The following ST7L variants were observed in gnomAD, a reference collection of about 807,000 sequenced individuals.
ST7L encodes the protein suppressor of tumorigenicity 7 protein-like.
Under a neutral mutation model 72.5 loss-of-function variants are expected in ST7L, and 57 were observed. That is an observed-to-expected ratio of 0.79 (90% CI 0.64 to 0.98). ST7L has a LOEUF of 0.98. ST7L is among the 50% of genes least tolerant of loss of function. ST7L has a pLI of 0.00. For missense variants in ST7L, 576 were observed against 672.2 expected, an observed-to-expected ratio of 0.86 and a Z score of 1.58; for synonymous variants, 221 against 240.9, an observed-to-expected ratio of 0.92 and a Z score of 0.77.
At chr1:112,532,557 A>G (rs1654550117) in intron 14 of ST7L, among the ~76,000 whole-genome samples, 1 of 152,240 alleles carries the variant, frequency 6.6e-6, no homozygotes, top group African/African-American at 2.4e-5. Context: ...GTCATCTGCA[A>G]GGATGTTTAA....
downstream of ST7L, chr1:112,520,674 T>C: frequency 2.7e-6 from 2 of 728,378 alleles, no homozygotes; most frequent in Non-Finnish European, 4.5e-6. Context: ...GCTGGTTCCT[T>C]AGCCCTGGGA....
chr1:112,554,768 A>T (rs1658807813), intron 12 of ST7L, among the ~76,000 whole-genome samples: 1 of 152,244 alleles, frequency 6.6e-6, no homozygotes, highest in African/African-American at 2.4e-5. Flanking sequence ...GATAAAAAAA[A>T]TGTGATATAT....
At position 112,526,117 on chromosome 1, in the gene ST7L, A is replaced by C. The variant is rs544303721; in HGVS notation, c.1630-6T>G. On this transcript the variant is annotated splice_region_variant and splice_polypyrimidine_tract_variant and intron_variant, in intron 14 of 14. Transcript: ENST00000358039. ...GGGCACCAGAGTCCCAGCACCTTCA[A>C]AACAGAAATTGATACAAAATGTTCA... is the stretch of plus-strand genomic sequence containing the variant. The C allele has an allele frequency of 1.4e-5, 22 of 1,613,984 alleles. 1 individual carries two copies. In the Middle Eastern group the frequency reaches 9.9e-4, roughly 72 times the overall value.
Position 112,582,003 on chromosome 1 carries a change from G to C in ST7L, c.1058C>G (p.Ala353Gly). Residue 353 changes from alanine to glycine, a missense_variant, in exon 9 of 15, where the codon GCA becomes GGA. Ala to Gly is a moderately conservative substitution (Grantham distance 60). Coordinates refer to ENST00000358039, the MANE Select transcript of ST7L (RefSeq NM_017744.5). ...QAYPDVQAVL[A>G]KYDDISLPKS... ...GGAATATGACTCACCATCATATTTT[G>C]CTAGGACTGCCTGAACATCTGGATA... 1 of 1,602,388 alleles carries C rather than the reference G, an allele frequency of 6.2e-7. No individual in the cohort carries two copies. The highest frequency in any genetic ancestry group is 8.5e-7 in the Non-Finnish European group (1 of 1,169,820).
In ST7L at chr1:112,567,819, G is replaced by C. The variant is rs550777872; in HGVS notation, c.1245+9167C>G. 2.3e-3 allele frequency among the ~76,000 whole-genome samples: 351 copies of C among 151,930 alleles called. 2 individuals carry two copies. The highest frequency in any genetic ancestry group is 4.0e-3 in the Non-Finnish European group (271 of 67,960). On this transcript the variant is annotated intron_variant, in intron 11 of 14. Coordinates refer to ENST00000358039, the MANE Select transcript of ST7L (RefSeq NM_017744.5). ...ATATGTGGATCCATTCTGTGATTTT[G>C]TTTTTTATAGTAATTATTTTATATT...
intron 11 of ST7L, among the ~76,000 whole-genome samples, chr1:112,564,040 T>C (rs763947020): frequency 3.3e-5 from 5 of 152,194 alleles, no homozygotes; most frequent in African/African-American, 4.8e-5. Flanking sequence ...GTTTTCTCAG[T>C]GCACATTCTA....
At chr1:112,519,931 T>C (rs191824064), downstream of ST7L, among the ~76,000 whole-genome samples, 4 of 145,684 alleles carry the variant, frequency 2.7e-5, no homozygotes, top group East Asian at 8.3e-4. Context: ...TAGAGTGCAG[T>C]GGTGCAATCT....
At chr1:112,530,705 G>A (rs549961154) in intron 14 of ST7L, among the ~76,000 whole-genome samples, 11 of 152,074 alleles carry the variant, frequency 7.2e-5, no homozygotes, top group Non-Finnish European at 1.5e-4. Flanking sequence ...GTGAGCCACC[G>A]CACCCAGCCT....
intron 14 of ST7L, chr1:112,540,001 T>C (rs563355830): frequency 1.0e-6 from 1 of 985,392 alleles, no homozygotes; most frequent in South Asian, 4.7e-5. Context: ...CCATTTAAAA[T>C]ATGTAATTAT....
chr1:112,549,888 C>T (rs1657819404), intron 13 of ST7L, among the ~76,000 whole-genome samples: 1 of 152,176 alleles, frequency 6.6e-6, no homozygotes, highest in Non-Finnish European at 1.5e-5. Flanking sequence ...GGAAAGCATT[C>T]AGTCTTTCTC....
At chr1:112,562,563 G>C (rs147720703) in intron 11 of ST7L, among the ~76,000 whole-genome samples, 3,066 of 152,154 alleles carry the variant, frequency 0.02, 105 homozygotes, top group African/African-American at 0.069. Flanking sequence ...AGATGAGCAG[G>C]GTCTTAAAGA....
intron 11 of ST7L, among the ~76,000 whole-genome samples, chr1:112,575,888 A>G (rs1203890822): frequency 6.6e-6 from 1 of 152,170 alleles, no homozygotes; most frequent in Non-Finnish European, 1.5e-5. Flanking sequence ...TTTCTTAACC[A>G]TATCTTTACT....
Position 112,614,511 on chromosome 1 carries a change from A to G in ST7L, c.288+2302T>C, listed in dbSNP as rs978179296. On this transcript the variant is annotated intron_variant, in intron 2 of 14. Coordinates refer to ENST00000358039, the MANE Select transcript of ST7L (RefSeq NM_017744.5). ...AATCCTGAATTCCTCAATAGCTTCT[A>G]TTTTTTTTAGCCAAGAGAAAAATCT... Among the ~76,000 whole-genome samples the G allele has an allele frequency of 6.6e-5, 10 of 151,858 alleles. 1 individual carries two copies. The highest frequency in any genetic ancestry group is 2.4e-4 in the African/African-American group (10 of 41,362).
At chr1:112,618,312 A>ACC in intron 1 of ST7L, 1 of 1,016,420 alleles carries the variant, frequency 9.8e-7, no homozygotes, top group Non-Finnish European at 1.2e-6. Flanking sequence ...GAACTAGCAA[A>ACC]CCCACTGTTG....
intron 3 of ST7L, among the ~76,000 whole-genome samples, chr1:112,605,013 G>A (rs181381418): frequency 5.3e-5 from 8 of 149,776 alleles, no homozygotes; most frequent in Admixed American, 5.3e-4. Flanking sequence ...TTTGAACCCA[G>A]GAGGCAGAGG....
chr1:112,548,883 C>G (rs1657606081), intron 13 of ST7L, among the ~76,000 whole-genome samples: 1 of 152,186 alleles, frequency 6.6e-6, no homozygotes, highest in Non-Finnish European at 1.5e-5. Context: ...CATAATCCTA[C>G]ATATTTCCGG....
intron 14 of ST7L, chr1:112,539,676 AAAAG>A (rs146078320): frequency 0.19 from 188,807 of 968,636 alleles, 19,337 homozygotes; most frequent in East Asian, 0.45. Flanking sequence ...AAAAAAAAGA[AAAAG>A]AAAAAGAAAA....
At chr1:112,572,018 T>C (rs546805665) in intron 11 of ST7L, among the ~76,000 whole-genome samples, 4 of 152,314 alleles carry the variant, frequency 2.6e-5, no homozygotes, top group East Asian at 3.9e-4. Context: ...AGAATGGCTG[T>C]TGTGTTAGCA....
At chr1:112,519,784 T>C (rs1206101763), downstream of ST7L, among the ~76,000 whole-genome samples, 2 of 152,104 alleles carry the variant, frequency 1.3e-5, no homozygotes, top group Non-Finnish European at 2.9e-5. Context: ...AGAAACTAAG[T>C]TAATGTTTCA....
Sources: allele counts gnomAD v4.1 joint callset (sites outside exome capture counted in the v4.1 genomes callset), GRCh38; gene constraint gnomAD v4.1.1; transcripts MANE v1.5; gene names NCBI Gene and HGNC (gene_info 2026-07-23, HGNC 2026-07-21).